Variants in DOCK4 observed in about 807,000 individuals in gnomAD.
DOCK4 encodes dedicator of cytokinesis 4, also known as dedicator of cytokinesis protein 4.
DOCK4 carries 97 observed loss-of-function variants against 268.1 expected under a neutral mutation model. The ratio of observed to expected loss-of-function variants is 0.36; its 90% CI spans 0.31 to 0.43. DOCK4 has a LOEUF of 0.43. Among genes scored for constraint, DOCK4 ranks in the 20% least tolerant of loss-of-function variants. The pLI, the probability that DOCK4 is intolerant of heterozygous loss-of-function variation, is 1.00. For synonymous variants in DOCK4, 954 were observed against 887.2 expected (o/e 1.08, Z -1.34); for missense variants, 2,145 against 2,455.7 (o/e 0.87, Z 2.67).
chr7:112,165,291 A>G (rs1452729191), intron 1 of DOCK4, among the ~76,000 whole-genome samples: 1 of 151,918 alleles, frequency 6.6e-6, no homozygotes, highest in East Asian at 1.9e-4. Context: ...CCTTTAACCT[A>G]CTTCTCTGCA....
rs1794794660 is a variant in DOCK4, at chr7:111,728,373, C to T, written c.5829G>A (p.Lys1943=). 3 of 1,540,648 alleles carry T rather than the reference C, an allele frequency of 1.9e-6. No individual in the cohort carries two copies. ...GGTGGCTGGATCGCGCTGCCAGAGGCTTGGGGGGCAGCGCGGGCGGCTCCG... is the reference window on the plus strand; with the variant it reads ...GGTGGCTGGATCGCGCTGCCAGAGGTTTGGGGGGCAGCGCGGGCGGCTCCG... ...VTSEPPALPP[K]PLAARSSHLE... The change falls in exon 53 of 53, where the codon AAG becomes AAA. Residue 1943 remains lysine, a synonymous_variant. Transcript: ENST00000428084.
chr7:112,023,710 TC>T lies in DOCK4; in HGVS notation c.38-19580del, dbSNP rs1197867478. ...AGGCAGACAGGCATTTTGTGCTCCA[TC>T]CCTGAAAGGGGGTGCATACCTTGTG... On this transcript the variant is annotated intron_variant, in intron 1 of 52. Transcript: ENST00000428084. The T allele has an allele frequency of 6.8e-6, 3 of 439,254 alleles. No individual in the cohort carries two copies. The East Asian group carries it at 2.1e-4, about 31-fold the overall frequency. The allele number at this position is 439,254 out of a possible 1,614,324, so 27.2% of individuals were successfully genotyped here.
intron 5 of DOCK4, among the ~76,000 whole-genome samples, chr7:111,990,654 C>G (rs117857187): frequency 8.1e-4 from 123 of 152,302 alleles, no homozygotes; most frequent in Non-Finnish European, 1.5e-3. Context: ...TATAAATCAT[C>G]TTGCTTCTCT....
intron 30 of DOCK4, among the ~76,000 whole-genome samples, chr7:111,807,131 C>A (rs968808686): frequency 2.0e-5 from 3 of 152,102 alleles, no homozygotes; most frequent in African/African-American, 7.2e-5. Flanking sequence ...ACTGGTCATT[C>A]TTTTTTAACA....
intron 30 of DOCK4, among the ~76,000 whole-genome samples, chr7:111,805,292 G>C (rs367572371): frequency 1.7e-4 from 26 of 152,288 alleles, no homozygotes; most frequent in Middle Eastern, 3.4e-3. Context: ...TGAGGCGACA[G>C]CAGAAGAGAA....
intron 1 of DOCK4, among the ~76,000 whole-genome samples, chr7:112,101,304 C>G (rs1177841752): frequency 6.6e-6 from 1 of 152,224 alleles, no homozygotes; most frequent in East Asian, 1.9e-4. Context: ...TACAATACAT[C>G]ACTCAAAATG....
At chr7:112,081,455 C>G (rs539391136) in intron 1 of DOCK4, among the ~76,000 whole-genome samples, 16 of 152,126 alleles carry the variant, frequency 1.1e-4, no homozygotes, top group South Asian at 4.2e-4. Context: ...AAGCCTGACA[C>G]GAAAAGTGCA....
intron 8 of DOCK4, among the ~76,000 whole-genome samples, chr7:111,961,740 CTT>C (rs2134987260): frequency 6.6e-6 from 1 of 152,260 alleles, no homozygotes; most frequent in Non-Finnish European, 1.5e-5. Context: ...AAACATTCCT[CTT>C]AAGTTTTGTC....
At chr7:111,895,456 T>C (rs1361379844) in intron 16 of DOCK4, among the ~76,000 whole-genome samples, 156 bp downstream of exon 16, 2 of 152,190 alleles carry the variant, frequency 1.3e-5, no homozygotes, top group Non-Finnish European at 2.9e-5. Context: ...TAACCCAATA[T>C]AGAAACAATA....
In DOCK4 at chr7:111,739,137, C is replaced by T. The variant is rs531986343; in HGVS notation, c.5229G>A (p.Ser1743=). The T allele has an allele frequency of 2.2e-5, 36 of 1,610,996 alleles. No individual in the cohort carries two copies. Among genetic ancestry groups the T allele is most frequent in the South Asian group, 1.5e-4 (14 of 91,000 alleles). The change falls in exon 49 of 53, where the codon TCG becomes TCA. Residue 1743 remains serine (S), a synonymous_variant. Transcript: ENST00000428084. The part of the protein sequence containing the change: ...SAIYPTPVEP[S]QRMLFNHIGD... ...TTCTCTACCCTACAAGGAGTACCTG[C>T]GAAGGCTCCACAGGTGTTGGATAGA... is the stretch of plus-strand genomic sequence containing the variant.
chr7:111,948,218 T>C (rs766658975), intron 8 of DOCK4, among the ~76,000 whole-genome samples: 2 of 152,204 alleles, frequency 1.3e-5, no homozygotes, highest in Non-Finnish European at 2.9e-5. Context: ...GGTACTATTA[T>C]AATGACCATT....
intron 25 of DOCK4, among the ~76,000 whole-genome samples, chr7:111,837,106 G>A (rs1055693708): frequency 6.6e-5 from 10 of 151,798 alleles, no homozygotes; most frequent in African/African-American, 2.2e-4. Context: ...TATAGCCAGT[G>A]GTAGAGAAAA....
intron 12 of DOCK4, among the ~76,000 whole-genome samples, chr7:111,926,664 A>ACAAT (rs1180482475): frequency 6.6e-6 from 1 of 150,930 alleles, no homozygotes; most frequent in Non-Finnish European, 1.5e-5. Context: ...CTACTAAAAT[A>ACAAT]CAATAAATAA....
At chr7:112,201,534 A>C (rs1361483599) in intron 1 of DOCK4, among the ~76,000 whole-genome samples, 1 of 152,160 alleles carries the variant, frequency 6.6e-6, no homozygotes, top group East Asian at 1.9e-4. Flanking sequence ...CAGCTCAGGA[A>C]GATGCCATGA....
At chr7:111,857,026 T>C (rs1478840076) in intron 23 of DOCK4, among the ~76,000 whole-genome samples, 1 of 152,182 alleles carries the variant, frequency 6.6e-6, no homozygotes, top group African/African-American at 2.4e-5. Context: ...AGCAGAAAAG[T>C]TCTAAACAAA....
At chr7:112,053,558 C>T (rs970568868) in intron 1 of DOCK4, among the ~76,000 whole-genome samples, 3 of 152,192 alleles carry the variant, frequency 2.0e-5, no homozygotes, top group Non-Finnish European at 1.5e-5. Flanking sequence ...AGCTTAATTA[C>T]AAAGTGTTGC....
At chr7:111,795,208 T>C (rs372296318) in intron 30 of DOCK4, among the ~76,000 whole-genome samples, 1 of 152,100 alleles carries the variant, frequency 6.6e-6, no homozygotes, top group East Asian at 1.9e-4. Flanking sequence ...GTGGCACTCC[T>C]GGTAGTCCCA....
At chr7:111,830,612 C>T (rs535194186) in intron 26 of DOCK4, among the ~76,000 whole-genome samples, 71 of 152,190 alleles carry the variant, frequency 4.7e-4, no homozygotes, top group African/African-American at 1.5e-3. Flanking sequence ...AGAGACCTCA[C>T]CCTGGAAGTT....
chr7:112,052,851 C>G (rs1000669700), intron 1 of DOCK4, among the ~76,000 whole-genome samples: 2 of 152,088 alleles, frequency 1.3e-5, no homozygotes, highest in African/African-American at 4.8e-5. Flanking sequence ...GCTTTACAAA[C>G]TAAGGCCCAA....
Sources: allele counts gnomAD v4.1 joint callset (sites outside exome capture counted in the v4.1 genomes callset), GRCh38; gene constraint gnomAD v4.1.1; transcripts MANE v1.5; gene names NCBI Gene and HGNC (gene_info 2026-07-23, HGNC 2026-07-21).